Variants in PITPNB observed in about 807,000 individuals in gnomAD.
PITPNB encodes the protein phosphatidylinositol transfer protein beta, also known as phosphatidylinositol transfer protein beta isoform.
Under a neutral mutation model 45.9 loss-of-function variants are expected in PITPNB, and 16 were observed. The ratio of observed to expected loss-of-function variants is 0.35; its 90% CI spans 0.24 to 0.53. PITPNB has a LOEUF of 0.53. Among genes scored for constraint, PITPNB ranks in the 20% least tolerant of loss-of-function variants. The pLI, the probability that PITPNB is intolerant of heterozygous loss-of-function variation, is 0.93. For synonymous variants in PITPNB, 112 were observed against 108.9 expected, an observed-to-expected ratio of 1.03 and a Z score of -0.18; for missense variants, 188 against 330.5, an observed-to-expected ratio of 0.57 and a Z score of 3.34.
chr22:27,865,247 C>A (rs1316069551), intron 8 of PITPNB, among the ~76,000 whole-genome samples: 1 of 152,122 alleles, frequency 6.6e-6, no homozygotes, highest in Admixed American at 6.5e-5. Context: ...CGGACAAAGA[C>A]CAACTTTACC....
At chr22:27,889,017 G>A (rs1318629410) in intron 7 of PITPNB, among the ~76,000 whole-genome samples, 3 of 152,190 alleles carry the variant, frequency 2.0e-5, no homozygotes, top group South Asian at 4.1e-4. Context: ...GGCCTCAGGA[G>A]GTTAGCCCTG....
intron 8 of PITPNB, among the ~76,000 whole-genome samples, chr22:27,865,497 AGCAACAT>A (rs1569007227): frequency 1.3e-5 from 2 of 152,262 alleles, no homozygotes; most frequent in African/African-American, 4.8e-5. Context: ...CTAGGTTATC[AGCAACAT>A]GCTAGTGAAG....
At chr22:27,917,147 G>A (rs1490887935) in intron 1 of PITPNB, among the ~76,000 whole-genome samples, 1 of 152,144 alleles carries the variant, frequency 6.6e-6, no homozygotes, top group Non-Finnish European at 1.5e-5. Flanking sequence ...TAGACTTTGG[G>A]CACGTGTCAA....
intron 7 of PITPNB, among the ~76,000 whole-genome samples, chr22:27,884,462 A>C (rs1310748738): frequency 6.6e-6 from 1 of 152,178 alleles, no homozygotes; most frequent in Non-Finnish European, 1.5e-5. Context: ...CTCTGCAGGG[A>C]AGTTCCCTAT....
intron 7 of PITPNB, among the ~76,000 whole-genome samples, chr22:27,883,963 G>A (rs569233745): frequency 3.3e-5 from 5 of 152,254 alleles, no homozygotes; most frequent in African/African-American, 1.2e-4. Context: ...CCACTTGGGA[G>A]TGCCTGTGTC....
chr22:27,894,421 C>T (rs528237538), intron 7 of PITPNB, 134 bp downstream of exon 7: 52 of 591,890 alleles, frequency 8.8e-5, no homozygotes, highest in South Asian at 8.6e-4. Context: ...ACTCCAAGCT[C>T]ACTTCGGCAT....
At chr22:27,917,864 A>G (rs558029075) in intron 1 of PITPNB, among the ~76,000 whole-genome samples, 1 of 152,314 alleles carries the variant, frequency 6.6e-6, no homozygotes, top group South Asian at 2.1e-4. Flanking sequence ...GAAGACAAAT[A>G]CCACCCCAAA....
At chr22:27,912,490 A>G (rs1345644899) in intron 2 of PITPNB, among the ~76,000 whole-genome samples, 2 of 152,206 alleles carry the variant, frequency 1.3e-5, no homozygotes, top group Non-Finnish European at 2.9e-5. Flanking sequence ...CAGGACTAAA[A>G]TGAGTCTAGG....
chr22:27,861,024 G>GAGAA (rs1555886710), intron 8 of PITPNB, among the ~76,000 whole-genome samples: 5 of 57,816 alleles, frequency 8.6e-5, no homozygotes, highest in Non-Finnish European at 1.3e-4. Context: ...CCCATTTCTG[G>GAGAA]AAAAAAAAAA....
intron 8 of PITPNB, among the ~76,000 whole-genome samples, chr22:27,861,838 T>C (rs1433547618): frequency 1.3e-5 from 2 of 152,336 alleles, no homozygotes; most frequent in African/African-American, 2.4e-5. Context: ...TAGGTGAGAC[T>C]GAAGGGCTTA....
In PITPNB at chr22:27,918,698, C is replaced by T. The variant is rs530045894; in HGVS notation, c.20+474G>A. Among the ~76,000 whole-genome samples, 57 of 152,346 alleles carry T rather than the reference C, an allele frequency of 3.7e-4. 2 individuals are homozygous for T. In the South Asian group the frequency reaches 0.011, roughly 30 times the overall value. The stretch of plus-strand genomic sequence containing the variant: ...GCCAGCGTCCCACCGCGAGTCCTGA[C>T]ACGAGGGCTGCCTTCAACCGGCAAG... On this transcript the variant is annotated intron_variant, in intron 1 of 11. Transcript: ENST00000335272.
At chr22:27,858,292 A>G in intron 10 of PITPNB, 95 bp downstream of exon 10, 1 of 980,058 alleles carries the variant, frequency 1.0e-6, no homozygotes, top group Non-Finnish European at 1.5e-6. Flanking sequence ...ATTTTTAACA[A>G]CACTCTTCCT....
intron 7 of PITPNB, among the ~76,000 whole-genome samples, chr22:27,886,940 A>G (rs975076658): frequency 6.6e-6 from 1 of 152,200 alleles, no homozygotes; most frequent in African/African-American, 2.4e-5. Context: ...AGAATGAAAA[A>G]TCACTGATTA....
rs1346794086 is a variant in PITPNB, at chr22:27,852,676, T to C, written c.*1026A>G. 1.3e-5 allele frequency: 2 copies of C among 152,452 alleles called. No individual in the cohort carries two copies. Among genetic ancestry groups the C allele is most frequent in the African/African-American group, 2.4e-5 (1 of 41,464 alleles). The allele number at this position is 152,452 out of a possible 1,614,324, so 9.4% of individuals were successfully genotyped here. ...TGTCATCACTAACTATATCCTATCA[T>C]GTGAGCTCTGAGGAATCTAGACCAT... On this transcript the variant is annotated 3_prime_UTR_variant, in exon 12 of 12. Coordinates refer to ENST00000335272, the MANE Select transcript of PITPNB (RefSeq NM_012399.5).
chr22:27,857,858 A>T (rs944375387), intron 10 of PITPNB, among the ~76,000 whole-genome samples: 5 of 152,218 alleles, frequency 3.3e-5, no homozygotes, highest in Admixed American at 6.5e-5. Context: ...CTGCCCAAGG[A>T]TCACCTGAAT....
chr22:27,909,202 T>A (rs1935846381), intron 3 of PITPNB, among the ~76,000 whole-genome samples: 1 of 145,364 alleles, frequency 6.9e-6, no homozygotes, highest in Non-Finnish European at 1.5e-5. Context: ...TAAATACTGG[T>A]AGTACTTTTT....
chr22:27,892,080 C>T (rs1256728887), intron 7 of PITPNB, among the ~76,000 whole-genome samples: 2 of 152,206 alleles, frequency 1.3e-5, no homozygotes, highest in Non-Finnish European at 2.9e-5. Flanking sequence ...GTCTTTTTCA[C>T]TAGCTATCCA....
At chr22:27,908,637 A>C (rs1172351437) in intron 3 of PITPNB, among the ~76,000 whole-genome samples, 1 of 152,154 alleles carries the variant, frequency 6.6e-6, no homozygotes, top group Non-Finnish European at 1.5e-5. Flanking sequence ...GGTATACTTC[A>C]ATTAACAGGT....
intron 1 of PITPNB, among the ~76,000 whole-genome samples, chr22:27,918,414 C>T (rs1424481344): frequency 6.6e-6 from 1 of 152,152 alleles, no homozygotes; most frequent in Non-Finnish European, 1.5e-5. Context: ...AGCAGATTTC[C>T]GTAATGTTTA....
Sources: gnomAD v4.1 joint callset for allele counts (sites outside exome capture counted in the v4.1 genomes callset) on GRCh38, gnomAD v4.1.1 for gene constraint, MANE v1.5 for transcripts, NCBI Gene and HGNC (gene_info 2026-07-23, HGNC 2026-07-21) for gene names.